SCD5: variants seen among roughly 807,000 people sequenced by gnomAD.
SCD5 encodes stearoyl-CoA desaturase 5.
Under a neutral mutation model 30.4 loss-of-function variants are expected in SCD5, and 20 were observed. That is an observed-to-expected ratio of 0.66 (90% CI 0.46 to 0.96). SCD5 has a LOEUF of 0.96. Among genes scored for constraint, SCD5 ranks in the 40% least tolerant of loss-of-function variants. SCD5 has a pLI of 0.00. For missense variants in SCD5, 381 were observed against 443.3 expected (o/e 0.86, Z 1.26); for synonymous variants, 173 against 176.4 (o/e 0.98, Z 0.16).
chr4:82,645,180 A>G (rs6535367), intron 3 of SCD5, among the ~76,000 whole-genome samples: 139,130 of 152,244 alleles, frequency 0.91, 63,649 homozygotes, highest in East Asian at 1. Flanking sequence ...CAGGTGTGGA[A>G]GTGAATACCT....
intron 2 of SCD5, among the ~76,000 whole-genome samples, chr4:82,691,099 C>T (rs186273981): frequency 1.0e-3 from 152 of 152,302 alleles, no homozygotes; most frequent in African/African-American, 3.4e-3. Flanking sequence ...GATCTTGGCT[C>T]ACTGCAACCT....
At chr4:82,750,701 A>G (rs1197685564) in intron 1 of SCD5, among the ~76,000 whole-genome samples, 1 of 152,020 alleles carries the variant, frequency 6.6e-6, no homozygotes, top group African/African-American at 2.4e-5. Flanking sequence ...AAAAGAAAGC[A>G]CTGTTGGAGA....
At chr4:82,682,472 G>A (rs1728598472) in intron 2 of SCD5, among the ~76,000 whole-genome samples, 1 of 152,034 alleles carries the variant, frequency 6.6e-6, no homozygotes, top group South Asian at 2.1e-4. Flanking sequence ...CTTTTGATAG[G>A]AAAATCTGAA....
intron 1 of SCD5, among the ~76,000 whole-genome samples, chr4:82,740,219 T>C (rs1427994705): frequency 6.6e-6 from 1 of 152,216 alleles, no homozygotes; most frequent in East Asian, 1.9e-4. Flanking sequence ...ATGGAGGAAA[T>C]AATCAACTTG....
intron 1 of SCD5, among the ~76,000 whole-genome samples, chr4:82,778,735 TCA>T (rs1721806506): frequency 6.6e-6 from 1 of 152,212 alleles, no homozygotes; most frequent in Non-Finnish European, 1.5e-5. Context: ...TTAGTTTTCC[TCA>T]GTGTCTGGGT....
At chr4:82,764,925 C>T (rs1042140235) in intron 1 of SCD5, among the ~76,000 whole-genome samples, 1 of 152,146 alleles carries the variant, frequency 6.6e-6, no homozygotes, top group Non-Finnish European at 1.5e-5. Context: ...CAGTGTTTCA[C>T]CATGTTGGTC....
intron 1 of SCD5, among the ~76,000 whole-genome samples, chr4:82,758,064 G>C (rs546498764): frequency 1.3e-5 from 2 of 152,342 alleles, no homozygotes; most frequent in Admixed American, 1.3e-4. Context: ...GTGCATCTCT[G>C]TGAGGAATAA....
At chr4:82,637,973 C>T (rs1727467832) in intron 3 of SCD5, among the ~76,000 whole-genome samples, 1 of 152,128 alleles carries the variant, frequency 6.6e-6, no homozygotes, top group Non-Finnish European at 1.5e-5. Flanking sequence ...CAACCCATCG[C>T]CTATTTATCC....
chr4:82,663,609 C>A (rs1338594817), intron 3 of SCD5, among the ~76,000 whole-genome samples: 1 of 152,182 alleles, frequency 6.6e-6, no homozygotes, highest in Non-Finnish European at 1.5e-5. Context: ...CCTTGAGCAG[C>A]AGGATATAAA....
intron 3 of SCD5, among the ~76,000 whole-genome samples, chr4:82,663,553 T>C (rs1728071596): frequency 6.6e-6 from 1 of 152,186 alleles, no homozygotes; most frequent in Non-Finnish European, 1.5e-5. Flanking sequence ...CATTTATGCC[T>C]GAGGTTGCAA....
intron 1 of SCD5, among the ~76,000 whole-genome samples, chr4:82,745,777 C>A (rs1720970001): frequency 1.3e-5 from 2 of 152,074 alleles, no homozygotes. Flanking sequence ...AGTATGGACT[C>A]AAATGGAAAG....
chr4:82,675,390 C>T (rs1366603869), intron 3 of SCD5, among the ~76,000 whole-genome samples: 1 of 152,082 alleles, frequency 6.6e-6, no homozygotes, highest in African/African-American at 2.4e-5. Flanking sequence ...AGATAACAGA[C>T]TAGGGGATGA....
At chr4:82,679,239 A>AG (rs1728507056) in intron 3 of SCD5, among the ~76,000 whole-genome samples, 1 of 102,188 alleles carries the variant, frequency 9.8e-6, no homozygotes, top group African/African-American at 3.6e-5. Context: ...AAAGAAAGAA[A>AG]GAAAGAAAGA....
intron 3 of SCD5, among the ~76,000 whole-genome samples, chr4:82,668,565 A>AAAGAG (rs1728241110): frequency 6.6e-6 from 1 of 152,236 alleles, no homozygotes; most frequent in South Asian, 2.1e-4. Context: ...TACATGTAGA[A>AAAGAG]AAGAGAAAGA....
In SCD5 at chr4:82,723,027, AG is replaced by A. The variant is rs564652471; in HGVS notation, c.233-17615del. Reference sequence around the variant, plus strand: ...GGGAGGCAGAGGTTGTGGTGAGCCGAGATCGCGCCATTGCACTCCAGCCCGG... The same window carrying A: ...GGGAGGCAGAGGTTGTGGTGAGCCGAATCGCGCCATTGCACTCCAGCCCGG... On this transcript the variant is annotated intron_variant, in intron 1 of 4. Transcript: ENST00000319540. Among the ~76,000 whole-genome samples the A allele has an allele frequency of 3.4e-5, 5 of 148,548 alleles. No homozygotes were observed. The South Asian group carries it at 1.1e-3, about 32-fold the overall frequency.
intron 1 of SCD5, among the ~76,000 whole-genome samples, chr4:82,745,043 G>A (rs1720952623): frequency 6.6e-6 from 1 of 152,148 alleles, no homozygotes; most frequent in Admixed American, 6.5e-5. Context: ...AGTGCTAAGT[G>A]CTGTAGTCAT....
chr4:82,673,699 C>G (rs1340268591), intron 3 of SCD5, among the ~76,000 whole-genome samples: 1 of 152,108 alleles, frequency 6.6e-6, no homozygotes, highest in Non-Finnish European at 1.5e-5. Context: ...ATAGCCAACA[C>G]AATATTGAAG....
chr4:82,665,278 T>TA (rs1491480875), intron 3 of SCD5, among the ~76,000 whole-genome samples: 7 of 142,010 alleles, frequency 4.9e-5, no homozygotes, highest in African/African-American at 1.8e-4. Context: ...AGAAACAGGT[T>TA]AAAAAAATTA....
intron 1 of SCD5, among the ~76,000 whole-genome samples, chr4:82,754,687 C>T (rs56352959): frequency 0.018 from 2,764 of 152,328 alleles, 43 homozygotes; most frequent in Non-Finnish European, 0.03. Context: ...TCTTGCATAG[C>T]GGATGGCATC....
Sources: allele counts gnomAD v4.1 joint callset (sites outside exome capture counted in the v4.1 genomes callset), GRCh38; gene constraint gnomAD v4.1.1; transcripts MANE v1.5; gene names NCBI Gene and HGNC (gene_info 2026-07-23, HGNC 2026-07-21).